The following RAD51B variants were observed in gnomAD, a reference collection of about 807,000 sequenced individuals.
RAD51B encodes DNA repair protein RAD51 homolog 2.
RAD51B carries 38 observed loss-of-function variants against 42.2 expected under a neutral mutation model. That is an observed-to-expected ratio of 0.90 (90% CI 0.70 to 1.18). The LOEUF is 1.18. Among genes scored for constraint, RAD51B ranks in the 50% most tolerant of loss-of-function variants. RAD51B has a pLI of 0.00. For missense variants in RAD51B, 373 were observed against 400.7 expected, an observed-to-expected ratio of 0.93 and a Z score of 0.59; for synonymous variants, 154 against 145.2, an observed-to-expected ratio of 1.06 and a Z score of -0.43.
chr14:67,873,708 A>C lies in RAD51B; in HGVS notation c.452+8569A>C, dbSNP rs1456765055. 1.4e-4 allele frequency among the ~76,000 whole-genome samples: 20 copies of C among 148,064 alleles called. No homozygotes were observed. The East Asian group carries it at 3.7e-3, about 28-fold the overall frequency. On this transcript the variant is annotated intron_variant, in intron 5 of 10. Transcript: ENST00000471583. ...CAACCCAAATGTCCAACAATGATAG[A>C]CTGGATTAAGAAAGCGTGGCACATA...
intron 3 of RAD51B, among the ~76,000 whole-genome samples, chr14:67,832,842 GGA>G (rs2041099678): frequency 1.3e-5 from 2 of 152,030 alleles, no homozygotes; most frequent in African/African-American, 4.8e-5. Flanking sequence ...ATTAACAAAG[GGA>G]GGTTGTCAAA....
chr14:67,938,685 G>A (rs1224332226), intron 7 of RAD51B, among the ~76,000 whole-genome samples: 1 of 152,200 alleles, frequency 6.6e-6, no homozygotes, highest in African/African-American at 2.4e-5. Flanking sequence ...AACAGTTGAT[G>A]TCTCAATGTC....
At chr14:67,968,076 G>A (rs986793007) in intron 7 of RAD51B, among the ~76,000 whole-genome samples, 1 of 152,230 alleles carries the variant, frequency 6.6e-6, no homozygotes, top group African/African-American at 2.4e-5. Context: ...AAGCTACCAA[G>A]GTTTGGAGCT....
chr14:68,529,209 G>A (rs1887120583), intron 10 of RAD51B, among the ~76,000 whole-genome samples: 1 of 152,012 alleles, frequency 6.6e-6, no homozygotes, highest in Non-Finnish European at 1.5e-5. Flanking sequence ...TTTTTTCTTT[G>A]TTTTTGAGAC....
chr14:68,071,194 T>A (rs1464402212), intron 7 of RAD51B, among the ~76,000 whole-genome samples: 1 of 152,126 alleles, frequency 6.6e-6, no homozygotes, highest in African/African-American at 2.4e-5. Context: ...CCAGGTATAG[T>A]ATCATATTGT....
chr14:68,328,344 T>C lies in RAD51B; in HGVS notation c.853+36364T>C, dbSNP rs140994926. Among the ~76,000 whole-genome samples the C allele has an allele frequency of 2.2e-3, 329 of 152,320 alleles. 3 individuals are homozygous for C. Among genetic ancestry groups the C allele is most frequent in the African/African-American group, 7.5e-3 (312 of 41,558 alleles). On this transcript the variant is annotated intron_variant, in intron 8 of 10. Coordinates refer to ENST00000471583, the MANE Select transcript of RAD51B (RefSeq NM_133510.4). ...ATTTCAACCCAACAAACTTTTCTCC[T>C]GTGCATTGCTAGGCAGTGCTTCCAT...
At chr14:67,885,356 T>A (rs866779314) in intron 5 of RAD51B, among the ~76,000 whole-genome samples, 1 of 152,226 alleles carries the variant, frequency 6.6e-6, no homozygotes, top group Admixed American at 6.5e-5. Context: ...ATTGGAACAT[T>A]AATTTATTTG....
chr14:68,683,013 T>G, intron 11 of RAD51B: 2 of 952,188 alleles, frequency 2.1e-6, no homozygotes, highest in Non-Finnish European at 2.5e-6. Context: ...CAGCATATCC[T>G]GTCACAAAGG....
Position 68,306,273 on chromosome 14 carries a change from A to G in RAD51B, c.853+14293A>G, listed in dbSNP as rs17105371. ...TTAGAGGAGTAGGAGATTGCAATTC[A>G]CAAGTACTTTCTGGTCCTGTAACCA... On this transcript the variant is annotated intron_variant, in intron 8 of 10. Transcript: ENST00000471583. Among the ~76,000 whole-genome samples the G allele has an allele frequency of 4.1e-3, 623 of 152,320 alleles. 4 individuals carry two copies. Among genetic ancestry groups the G allele is most frequent in the African/African-American group, 0.014 (599 of 41,570 alleles).
intron 11 of RAD51B, among the ~76,000 whole-genome samples, chr14:68,652,172 T>TC (rs1442072455): frequency 2.0e-5 from 3 of 152,036 alleles, no homozygotes; most frequent in Admixed American, 2.0e-4. Context: ...TTTCCTTTCT[T>TC]CCCCCCTTGC....
chr14:68,222,868 A>T (rs953127736), intron 7 of RAD51B, among the ~76,000 whole-genome samples: 3 of 152,030 alleles, frequency 2.0e-5, no homozygotes, highest in Admixed American at 2.0e-4. Flanking sequence ...TACCATCTAT[A>T]CTTCTTTTCT....
At chr14:68,371,053 A>AAAAAAAAAAAAAAAAAAAAAAAAAATT in intron 8 of RAD51B, among the ~76,000 whole-genome samples, 1 of 88,012 alleles carries the variant, frequency 1.1e-5, no homozygotes, top group Non-Finnish European at 2.4e-5. Flanking sequence ...AAAAAAAAAA[A>AAAAAAAAAAAAAAAAAAAAAAAAAATT]AAGAAAAAAA....
chr14:68,317,687 AG>A (rs1184624682), intron 8 of RAD51B, among the ~76,000 whole-genome samples: 1 of 152,194 alleles, frequency 6.6e-6, no homozygotes, highest in Non-Finnish European at 1.5e-5. Flanking sequence ...AGGTGGAAAA[AG>A]CAAAGAACAC....
In RAD51B at chr14:67,995,932, T is replaced by A. The variant is rs895350362; in HGVS notation, c.756+108728T>A. 2.8e-4 allele frequency among the ~76,000 whole-genome samples: 43 copies of A among 152,110 alleles called. 1 individual carries two copies. Among genetic ancestry groups the A allele is most frequent in the Non-Finnish European group, 1.5e-5 (1 of 68,016 alleles). ...GCGCCCGGCCTATATTCTTCATTTT[T>A]AAAAAATCTGCCTTCTCTACATTAC... On this transcript the variant is annotated intron_variant, in intron 7 of 10. Transcript: ENST00000471583.
At chr14:68,335,449 T>C (rs1251819288) in intron 8 of RAD51B, among the ~76,000 whole-genome samples, 2 of 152,230 alleles carry the variant, frequency 1.3e-5, no homozygotes, top group Admixed American at 6.5e-5. Flanking sequence ...AGTCTCTTAG[T>C]AATTTTCTGA....
intron 10 of RAD51B, among the ~76,000 whole-genome samples, chr14:68,636,865 A>C (rs888829714): frequency 6.6e-6 from 1 of 152,218 alleles, no homozygotes; most frequent in South Asian, 2.1e-4. Context: ...CAAGCCCTGC[A>C]TGAGGGAAGG....
At chr14:68,534,207 G>A (rs896574634) in intron 10 of RAD51B, among the ~76,000 whole-genome samples, 6 of 152,162 alleles carry the variant, frequency 3.9e-5, no homozygotes, top group African/African-American at 1.4e-4. Flanking sequence ...CTAGGCTATG[G>A]CCATTTTAAT....
intron 7 of RAD51B, among the ~76,000 whole-genome samples, chr14:67,994,747 T>G (rs959802490): frequency 1.3e-5 from 2 of 152,218 alleles, no homozygotes; most frequent in African/African-American, 4.8e-5. Context: ...CATCTGCAAC[T>G]GATGATTTTC....
At chr14:67,990,322 A>G (rs979417270) in intron 7 of RAD51B, among the ~76,000 whole-genome samples, 2 of 152,150 alleles carry the variant, frequency 1.3e-5, no homozygotes, top group Non-Finnish European at 2.9e-5. Flanking sequence ...AATTTTGTCA[A>G]TGTCCCTAAT....
Sources: allele counts gnomAD v4.1 joint callset (sites outside exome capture counted in the v4.1 genomes callset), GRCh38; gene constraint gnomAD v4.1.1; transcripts MANE v1.5; gene names NCBI Gene and HGNC (gene_info 2026-07-23, HGNC 2026-07-21).